Variants in DUSP19 observed in about 807,000 individuals in gnomAD.
DUSP19 encodes the protein dual specificity protein phosphatase 19.
DUSP19 carries 14 observed loss-of-function variants against 16.6 expected under a neutral mutation model. The ratio of observed to expected loss-of-function variants is 0.84; its 90% confidence interval spans 0.56 to 1.32. DUSP19 has a LOEUF of 1.32. Among genes scored for constraint, DUSP19 ranks in the 40% most tolerant of loss-of-function variants. The probability of loss-of-function intolerance (pLI) is 0.00; values close to 1 mark genes in which losing one functional copy is unlikely to be tolerated. For missense variants in DUSP19, 258 were observed against 255.9 expected, an observed-to-expected ratio of 1.01 and a Z score of -0.06; for synonymous variants, 81 against 90.5, an observed-to-expected ratio of 0.90 and a Z score of 0.59.
At chr2:183,086,067 A>T (rs934943477) in intron 2 of DUSP19, among the ~76,000 whole-genome samples, 1 of 151,826 alleles carries the variant, frequency 6.6e-6, no homozygotes. Context: ...CATAGATGCA[A>T]GAGGAGGAGG....
rs1699792934 is a variant in DUSP19, at chr2:183,095,758, T to C, written c.*100T>C. The C allele has an allele frequency of 1.2e-6, 1 of 865,026 alleles. No homozygotes were observed. The allele number at this position is 865,026 out of a possible 1,614,324, so 53.6% of individuals were successfully genotyped here. ...GAGTAGACTAGCAAAACTCCCTTTT[T>C]TCTCTTGCCTTTTTTATGCATAAAT... is the stretch of plus-strand genomic sequence containing the variant. On this transcript the variant is annotated 3_prime_UTR_variant, in exon 4 of 4. Coordinates refer to ENST00000354221, the MANE Select transcript of DUSP19 (RefSeq NM_080876.4).
intron 3 of DUSP19, among the ~76,000 whole-genome samples, chr2:183,093,247 ATTTTGAAT>A (rs1188565924): frequency 6.6e-6 from 1 of 152,206 alleles, no homozygotes; most frequent in African/African-American, 2.4e-5. Context: ...CAAAATGGTG[ATTTTGAAT>A]TTTTGAAAGA....
chr2:183,089,242 G>A (rs1699701742), intron 3 of DUSP19, among the ~76,000 whole-genome samples: 3 of 152,276 alleles, frequency 2.0e-5, no homozygotes, highest in South Asian at 2.1e-4. Context: ...ACCCTGCTGG[G>A]CTCATTTCAC....
intron 3 of DUSP19, among the ~76,000 whole-genome samples, chr2:183,094,529 G>C (rs1699773052): frequency 6.6e-6 from 1 of 152,154 alleles, no homozygotes; most frequent in African/African-American, 2.4e-5. Context: ...CTGTATCAAT[G>C]CTGTCCCATC....
chr2:183,089,707 T>G (rs1218297670), intron 3 of DUSP19, among the ~76,000 whole-genome samples: 1 of 152,168 alleles, frequency 6.6e-6, no homozygotes, highest in African/African-American at 2.4e-5. Flanking sequence ...TCTGAGGAGC[T>G]GCAGAAAATG....
chr2:183,095,683 A>G lies in DUSP19; in HGVS notation c.*25A>G. 1.3e-6 allele frequency: 2 copies of G among 1,550,954 alleles called. No homozygotes were observed. The highest frequency in any genetic ancestry group is 1.8e-6 in the Non-Finnish European group (2 of 1,130,916). ...AGTTGCATTGTAGCAGACAATGGAC[A>G]ACTGTAGTTTCTGAATTGACTTCTA... On this transcript the variant is annotated 3_prime_UTR_variant, in exon 4 of 4. Coordinates refer to ENST00000354221, the MANE Select transcript of DUSP19 (RefSeq NM_080876.4).
intron 1 of DUSP19, among the ~76,000 whole-genome samples, chr2:183,081,628 A>G (rs572938469): frequency 6.6e-6 from 1 of 152,190 alleles, no homozygotes; most frequent in Non-Finnish European, 1.5e-5. Flanking sequence ...ACAGAATTTT[A>G]AAAAAAATTA....
At position 183,097,475 on chromosome 2, in the gene DUSP19, G is replaced by A. The variant is rs1699818482; in HGVS notation, c.*1817G>A. Reference sequence around the variant, plus strand: ...ATATTGAACACATCTGTGCATTTGAGAAGGCAGGCTTTCATATGCTGTCAT... The same window carrying A: ...ATATTGAACACATCTGTGCATTTGAAAAGGCAGGCTTTCATATGCTGTCAT... On this transcript the variant is annotated 3_prime_UTR_variant, in exon 4 of 4. Coordinates refer to ENST00000354221, the MANE Select transcript of DUSP19 (RefSeq NM_080876.4). 6.6e-6 allele frequency: 1 copy of A among 152,208 alleles called. No homozygotes were observed. Among genetic ancestry groups the A allele is most frequent in the African/African-American group, 2.4e-5 (1 of 41,448 alleles). 9.4% of individuals were successfully genotyped at this position (152,208 alleles called of 1,614,324 possible). A position where few individuals can be genotyped will look rare whatever the true frequency, so the allele number is the denominator to read the frequency against.
chr2:183,079,817 T>TA (rs1213836859), intron 1 of DUSP19, among the ~76,000 whole-genome samples: 3 of 152,204 alleles, frequency 2.0e-5, no homozygotes, highest in African/African-American at 7.2e-5. Flanking sequence ...ATGGTGTTCT[T>TA]AAAAAAATAG....
intron 2 of DUSP19, among the ~76,000 whole-genome samples, chr2:183,084,419 T>C (rs1338889437): frequency 1.4e-5 from 2 of 147,380 alleles, no homozygotes; most frequent in Non-Finnish European, 1.5e-5. Context: ...AAAGCAAGAC[T>C]CTATCTCAAA....
intron 3 of DUSP19, 70 bp from the exon 4 acceptor site, chr2:183,095,361 A>C: frequency 8.2e-7 from 1 of 1,224,914 alleles, no homozygotes; most frequent in Non-Finnish European, 1.2e-6. Flanking sequence ...GTAGTATAAG[A>C]ATGTGCAATT....
chr2:183,095,365 T>C, intron 3 of DUSP19, 66 bp from the exon 4 acceptor site: 1 of 1,273,538 alleles, frequency 7.9e-7, no homozygotes, highest in Non-Finnish European at 1.1e-6. Flanking sequence ...TATAAGAATG[T>C]GCAATTGATA....
At chr2:183,094,313 A>G (rs1699769651) in intron 3 of DUSP19, among the ~76,000 whole-genome samples, 1 of 152,210 alleles carries the variant, frequency 6.6e-6, no homozygotes, top group African/African-American at 2.4e-5. Flanking sequence ...CCAATGAGTC[A>G]TAACAATAGT....
intron 2 of DUSP19, 98 bp from the exon 3 acceptor site, chr2:183,086,942 T>C (rs1699670358): frequency 2.4e-6 from 3 of 1,233,846 alleles, no homozygotes; most frequent in Non-Finnish European, 3.4e-6. Flanking sequence ...CATTTAAATT[T>C]TTTACCTTTC....
intron 1 of DUSP19, 114 bp from the exon 2 acceptor site, chr2:183,083,394 G>T (rs1048103891): frequency 4.1e-6 from 4 of 983,350 alleles, no homozygotes; most frequent in African/African-American, 3.3e-5. Flanking sequence ...TTGGACTAAG[G>T]TCCTTCCAAG....
rs767699815 is a variant in DUSP19, at chr2:183,087,032, T to G, written c.274-8T>G. Reference sequence around the variant, plus strand: ...TTAAAACAATCATCTTTTTTCTTTCTCTTTAAGGTGACTCATATTCTTAAT... The same window carrying G: ...TTAAAACAATCATCTTTTTTCTTTCGCTTTAAGGTGACTCATATTCTTAAT... On this transcript the variant is annotated splice_region_variant and splice_polypyrimidine_tract_variant and intron_variant, in intron 2 of 3. Transcript: ENST00000354221. 1.9e-6 allele frequency: 3 copies of G among 1,603,240 alleles called. No homozygotes were observed. Among genetic ancestry groups the G allele is most frequent in the Non-Finnish European group, 2.5e-6 (3 of 1,178,034 alleles).
chr2:183,090,067 C>G (rs983770885), intron 3 of DUSP19, among the ~76,000 whole-genome samples: 1 of 152,202 alleles, frequency 6.6e-6, no homozygotes, highest in Non-Finnish European at 1.5e-5. Flanking sequence ...AGCCACCATG[C>G]CTGGAAGGCT....
At chr2:183,088,723 A>G (rs1699695720) in intron 3 of DUSP19, among the ~76,000 whole-genome samples, 1 of 152,126 alleles carries the variant, frequency 6.6e-6, no homozygotes, top group Non-Finnish European at 1.5e-5. Context: ...GCACCTGGCC[A>G]AGGGAGAGGT....
At chr2:183,094,922 T>C (rs1699777995) in intron 3 of DUSP19, among the ~76,000 whole-genome samples, 1 of 152,226 alleles carries the variant, frequency 6.6e-6, no homozygotes, top group East Asian at 1.9e-4. Context: ...TTATTTTATG[T>C]TTCCACATAT....
Sources: gnomAD v4.1 joint callset for allele counts (sites outside exome capture counted in the v4.1 genomes callset) on GRCh38, gnomAD v4.1.1 for gene constraint, MANE v1.5 for transcripts, NCBI Gene and HGNC (gene_info 2026-07-23, HGNC 2026-07-21) for gene names.